Variants in BLTP1 observed in about 807,000 individuals in gnomAD.
BLTP1 encodes the protein bridge-like lipid transfer protein family member 1, also known as fragile site-associated protein.
chr4:122,219,216 C>G, the BLTP1 span: 1 of 1,448,514 alleles, frequency 6.9e-7, no homozygotes, highest in Non-Finnish European at 9.1e-7. Context: ...GACAATAGGC[C>G]TGATGCCTTT....
chr4:122,251,985 C>A, the BLTP1 span, among the ~76,000 whole-genome samples: 2 of 152,140 alleles, frequency 1.3e-5, no homozygotes, highest in African/African-American at 4.8e-5. Context: ...TAGTATTTAA[C>A]AGAGTCATGA....
chr4:122,214,074 A>G, the BLTP1 span: 1 of 367,576 alleles, frequency 2.7e-6, no homozygotes, highest in Non-Finnish European at 3.8e-6. Flanking sequence ...TCTTTTTTCA[A>G]AAAAGTATAA....
the BLTP1 span, chr4:122,257,311 G>A: frequency 1.2e-6 from 2 of 1,613,846 alleles, no homozygotes; most frequent in East Asian, 2.2e-5. Flanking sequence ...CACTGGCAAG[G>A]CAGTGGATGA....
At chr4:122,203,176 C>G in the BLTP1 span, among the ~76,000 whole-genome samples, 1 of 151,838 alleles carries the variant, frequency 6.6e-6, no homozygotes, top group Non-Finnish European at 1.5e-5. Context: ...AATTATCTCT[C>G]TGATGTGAGG....
At chr4:122,358,081 A>T in the BLTP1 span, among the ~76,000 whole-genome samples, 1 of 152,212 alleles carries the variant, frequency 6.6e-6, no homozygotes, top group African/African-American at 2.4e-5. Context: ...TATATTATAT[A>T]TAAGTAGATA....
chr4:122,211,101 A>G, the BLTP1 span: 1 of 1,603,536 alleles, frequency 6.2e-7, no homozygotes, highest in East Asian at 2.2e-5. Flanking sequence ...TAAAGGTATG[A>G]TTCTTAAAAA....
the BLTP1 span, chr4:122,266,987 TG>T: frequency 8.0e-7 from 1 of 1,253,402 alleles, no homozygotes; most frequent in Non-Finnish European, 1.1e-6. Context: ...TGTATAATTT[TG>T]TGCAAGAATT....
the BLTP1 span, among the ~76,000 whole-genome samples, chr4:122,242,431 T>G: frequency 5.9e-5 from 9 of 152,082 alleles, no homozygotes; most frequent in Non-Finnish European, 1.3e-4. Flanking sequence ...CTCTTACAGA[T>G]GTAGAGAGTA....
At chr4:122,160,541 T>C in the BLTP1 span, among the ~76,000 whole-genome samples, 1 of 152,242 alleles carries the variant, frequency 6.6e-6, no homozygotes, top group African/African-American at 2.4e-5. Context: ...TTGTATACTT[T>C]ATCTGTATAG....
At chr4:122,240,649 C>T in the BLTP1 span, among the ~76,000 whole-genome samples, 4 of 152,102 alleles carry the variant, frequency 2.6e-5, no homozygotes, top group Admixed American at 6.5e-5. Context: ...TCATATCTTC[C>T]GTGTCTTAAA....
the BLTP1 span, among the ~76,000 whole-genome samples, chr4:122,202,154 C>T: frequency 4.6e-5 from 7 of 152,094 alleles, no homozygotes; most frequent in African/African-American, 1.7e-4. Context: ...ACTAGATAGA[C>T]TGCTTCTGCT....
chr4:122,183,254 T>C, the BLTP1 span: 1 of 471,668 alleles, frequency 2.1e-6, no homozygotes, highest in Non-Finnish European at 2.8e-6. Flanking sequence ...GAGGATCACT[T>C]GAGCCATGGA....
At chr4:122,341,723 TG>T in the BLTP1 span, 1 of 985,188 alleles carries the variant, frequency 1.0e-6, no homozygotes, top group Non-Finnish European at 1.2e-6. Flanking sequence ...CTTTGTGGTC[TG>T]GGTCAGTGCT....
At chr4:122,183,341 A>AG in the BLTP1 span, 23 of 952,488 alleles carry the variant, frequency 2.4e-5, no homozygotes, top group African/African-American at 3.4e-4. Flanking sequence ...GTCTCAAAAA[A>AG]AAAAAAAAAA....
chr4:122,237,435 G>T, the BLTP1 span: 3 of 822,002 alleles, frequency 3.6e-6, no homozygotes, highest in Non-Finnish European at 4.4e-6. Context: ...ATTATTCTAG[G>T]CACTGGAGGT....
the BLTP1 span, among the ~76,000 whole-genome samples, chr4:122,295,398 G>T: frequency 6.6e-6 from 1 of 152,054 alleles, no homozygotes; most frequent in South Asian, 2.1e-4. Context: ...AAACCCATCA[G>T]CCTAATAGCA....
chr4:122,243,766 T>C, the BLTP1 span: 4 of 1,346,660 alleles, frequency 3.0e-6, no homozygotes, highest in Non-Finnish European at 3.8e-6. Flanking sequence ...TTAGTTGTAA[T>C]GAATGCATGT....
chr4:122,246,231 C>G, the BLTP1 span: 1 of 1,607,018 alleles, frequency 6.2e-7, no homozygotes, highest in African/African-American at 1.3e-5. Context: ...CAAGCACAGA[C>G]AAATCTTACA....
the BLTP1 span, chr4:122,254,809 C>T: frequency 6.4e-7 from 1 of 1,555,424 alleles, no homozygotes; most frequent in Non-Finnish European, 8.7e-7. Context: ...AAAAAGGCAG[C>T]TGAACCTTTT....
Sources: allele counts gnomAD v4.1 joint callset (sites outside exome capture counted in the v4.1 genomes callset), GRCh38; gene constraint gnomAD v4.1.1; transcripts MANE v1.5; gene names NCBI Gene and HGNC (gene_info 2026-07-23, HGNC 2026-07-21).